TET2: variants seen among roughly 807,000 people sequenced by gnomAD.
The protein encoded by TET2 is tet methylcytosine dioxygenase 2.
In TET2, 299 loss-of-function variants were observed where a neutral mutation model predicts 142.9. The observed-to-expected ratio is 2.09, with a 90% CI of 1.90 to 2.30. The LOEUF is 2.30. TET2 is among the 30% of genes most tolerant of loss of function. The probability of loss-of-function intolerance (pLI) is 0.00; values close to 1 mark genes in which losing one functional copy is unlikely to be tolerated. For synonymous variants in TET2, 819 were observed against 849.0 expected (o/e 0.96, Z 0.61); for missense variants, 2,418 against 2,378.0 (o/e 1.02, Z -0.35).
intron 2 of TET2, among the ~76,000 whole-genome samples, chr4:105,193,760 T>G (rs1725921827): frequency 6.6e-6 from 1 of 152,196 alleles, no homozygotes; most frequent in Non-Finnish European, 1.5e-5. Flanking sequence ...GAATTCAGCA[T>G]GAGTCAGTTA....
intron 2 of TET2, among the ~76,000 whole-genome samples, chr4:105,215,722 C>T (rs1727451330): frequency 6.6e-6 from 1 of 152,122 alleles, no homozygotes; most frequent in Admixed American, 6.6e-5. Flanking sequence ...CCCTTATCTG[C>T]AGTGATTTTA....
chr4:105,261,876 T>G, intron 8 of TET2, 28 bp downstream of exon 8: 1 of 1,323,638 alleles, frequency 7.6e-7, no homozygotes, highest in Non-Finnish European at 1.1e-6. Flanking sequence ...TTGGCAGCAA[T>G]TGTAACAACT....
chr4:105,211,375 A>G (rs1727150805), intron 2 of TET2, among the ~76,000 whole-genome samples: 2 of 152,224 alleles, frequency 1.3e-5, no homozygotes, highest in Non-Finnish European at 2.9e-5. Context: ...GAAGGAATCC[A>G]GACTATCTTG....
In TET2 at chr4:105,163,804, TTCGAGAGAGAGAGAGA is replaced by T. The variant is rs1296965457; in HGVS notation, c.-193+16826_-193+16841del. 2.9e-5 allele frequency among the ~76,000 whole-genome samples: 3 copies of T among 103,352 alleles called. No individual in the cohort carries two copies. In the Admixed American group the frequency reaches 3.3e-4, roughly 12 times the overall value. 67.8% of individuals were successfully genotyped at this position (103,352 alleles called of 152,430 possible). On this transcript the variant is annotated intron_variant, in intron 1 of 10. Coordinates refer to ENST00000380013, the MANE Select transcript of TET2 (RefSeq NM_001127208.3). ...AGTCTGGTGTTTGGAGCTCGAAAGT[TTCGAGAGAGAGAGAGA>T]GAGAGAGAGAGAGAGAGAGAGAGAG... is the stretch of plus-strand genomic sequence containing the variant.
chr4:105,239,361 GT>G (rs1185136807), intron 3 of TET2: 12 of 240,422 alleles, frequency 5.0e-5, no homozygotes, highest in African/African-American at 2.4e-4. Context: ...ATGGCACCTT[GT>G]TTCAATAGTA....
At chr4:105,227,970 A>G (rs1215557612) in intron 2 of TET2, among the ~76,000 whole-genome samples, 4 of 152,154 alleles carry the variant, frequency 2.6e-5, no homozygotes, top group Admixed American at 6.5e-5. Flanking sequence ...AAATGACCCC[A>G]TAAAAACTAC....
At chr4:105,163,887 GTT>G (rs1724017438) in intron 1 of TET2, among the ~76,000 whole-genome samples, 2 of 150,268 alleles carry the variant, frequency 1.3e-5, no homozygotes, top group South Asian at 2.1e-4. Flanking sequence ...GTGTGTGTGT[GTT>G]CCAGCTTTGT....
At chr4:105,233,381 C>T (rs375082687) in intron 2 of TET2, among the ~76,000 whole-genome samples, 2 of 14,712 alleles carry the variant, frequency 1.4e-4, no homozygotes, top group African/African-American at 3.1e-3. Context: ...GAGACTCCAT[C>T]TCAAAAAAAA....
At chr4:105,212,489 T>C (rs1727227630) in intron 2 of TET2, among the ~76,000 whole-genome samples, 1 of 152,188 alleles carries the variant, frequency 6.6e-6, no homozygotes, top group Non-Finnish European at 1.5e-5. Flanking sequence ...TTGCCTTTAT[T>C]TGTGGGTATA....
At chr4:105,265,179 A>G (rs890849684) in intron 8 of TET2, among the ~76,000 whole-genome samples, 2 of 152,224 alleles carry the variant, frequency 1.3e-5, no homozygotes, top group Non-Finnish European at 1.5e-5. Flanking sequence ...AGAGCTTTCT[A>G]TGAAGATGGA....
chr4:105,242,648 G>A, intron 4 of TET2, 186 bp from the exon 5 acceptor site: 1 of 1,346,206 alleles, frequency 7.4e-7, no homozygotes, highest in Non-Finnish European at 9.5e-7. Context: ...TGATATTGAG[G>A]AAAAACAAGG....
chr4:105,237,783 A>T, intron 3 of TET2: 1 of 1,135,826 alleles, frequency 8.8e-7, no homozygotes, highest in Non-Finnish European at 1.1e-6. Flanking sequence ...AAAATATATT[A>T]GTTTCACAAG....
In TET2 at chr4:105,243,707, CTA is replaced by C; in HGVS notation, c.3733_3734del (p.Tyr1245LeufsTer22). On this transcript the variant is annotated frameshift_variant, in exon 6 of 11. Coordinates refer to ENST00000380013, the MANE Select transcript of TET2 (RefSeq NM_001127208.3). LOFTEE classifies it high-confidence loss of function. ...TCCCGCTGTCTCTGGCTGACAAACTCTACTCGGAGCTTACCGAGACGCTGAGG... is the reference window on the plus strand; with the variant it reads ...TCCCGCTGTCTCTGGCTGACAAACTCCTCGGAGCTTACCGAGACGCTGAGG... ...GIPLSLADKL[Y>X]SELTETLRKY... is the part of the protein sequence containing the mutation. The C allele has an allele frequency of 6.4e-7, 1 of 1,551,594 alleles. No individual in the cohort carries two copies. The highest frequency in any genetic ancestry group is 8.7e-7 in the Non-Finnish European group (1 of 1,146,952).
intron 2 of TET2, among the ~76,000 whole-genome samples, chr4:105,196,139 T>C (rs1426716180): frequency 6.6e-6 from 1 of 151,712 alleles, no homozygotes; most frequent in African/African-American, 2.4e-5. Context: ...ATAAATTATT[T>C]CCTAATTGTT....
chr4:105,244,602 T>C (rs1729491983), intron 6 of TET2, among the ~76,000 whole-genome samples: 1 of 132,434 alleles, frequency 7.6e-6, no homozygotes, highest in Admixed American at 7.4e-5. Context: ...TTTTTTTTTT[T>C]TTTTTTTTTT....
At chr4:105,207,077 A>G (rs1182467674) in intron 2 of TET2, among the ~76,000 whole-genome samples, 1 of 152,198 alleles carries the variant, frequency 6.6e-6, no homozygotes, top group African/African-American at 2.4e-5. Context: ...AAAGATTCCA[A>G]ACATTAATAT....
chr4:105,241,252 T>C, intron 3 of TET2, 87 bp from the exon 4 acceptor site: 1 of 1,417,958 alleles, frequency 7.1e-7, no homozygotes, highest in East Asian at 2.6e-5. Flanking sequence ...GCCCTTAATG[T>C]GTAGTTGGGG....
intron 1 of TET2, among the ~76,000 whole-genome samples, chr4:105,157,771 G>A (rs1044444645): frequency 2.6e-5 from 4 of 152,086 alleles, no homozygotes; most frequent in Admixed American, 2.6e-4. Context: ...CCTCCTTCTG[G>A]GTTCAAGCGA....
chr4:105,167,725 G>A (rs920610902), intron 1 of TET2, among the ~76,000 whole-genome samples: 3 of 152,118 alleles, frequency 2.0e-5, no homozygotes, highest in Non-Finnish European at 4.4e-5. Context: ...GATCTAAGGT[G>A]TAACTATTTT....
Sources: gnomAD v4.1 joint callset for allele counts (sites outside exome capture counted in the v4.1 genomes callset) on GRCh38, gnomAD v4.1.1 for gene constraint, MANE v1.5 for transcripts, NCBI Gene and HGNC (gene_info 2026-07-23, HGNC 2026-07-21) for gene names.